TUBD1: variants seen among roughly 807,000 people sequenced by gnomAD.
TUBD1 encodes tubulin delta chain.
Under a neutral mutation model 51.2 loss-of-function variants are expected in TUBD1, and 38 were observed. That is an observed-to-expected ratio of 0.74 (90% CI 0.57 to 0.97). TUBD1 has a LOEUF of 0.97. TUBD1 is among the 50% of genes least tolerant of loss of function. The pLI, the probability that TUBD1 is intolerant of heterozygous loss-of-function variation, is 0.00. For missense variants in TUBD1, 489 were observed against 538.4 expected, an observed-to-expected ratio of 0.91 and a Z score of 0.91; for synonymous variants, 169 against 178.2, an observed-to-expected ratio of 0.95 and a Z score of 0.41.
At position 59,859,668 on chromosome 17, in the gene TUBD1, A is replaced by C. The variant is rs987623495; in HGVS notation, c.*654T>G. On this transcript the variant is annotated 3_prime_UTR_variant, in exon 9 of 9. Transcript: ENST00000325752. ...CAAACATGAATATATTAAGTACAGA[A>C]TTACAATTCCTTAGCTTGAAATTAT... 1.3e-5 allele frequency: 2 copies of C among 152,630 alleles called. No individual in the cohort carries two copies. The highest frequency in any genetic ancestry group is 2.4e-5 in the African/African-American group (1 of 41,462). The allele number at this position is 152,630 out of a possible 1,614,324, so 9.5% of individuals were successfully genotyped here. A position where few individuals can be genotyped will look rare whatever the true frequency, so the allele number is the denominator to read the frequency against.
intron 1 of TUBD1, 106 bp from the exon 2 acceptor site, chr17:59,891,147 CT>C (rs905345660): frequency 4.8e-6 from 3 of 630,250 alleles, no homozygotes; most frequent in African/African-American, 3.8e-5. Flanking sequence ...TTTTTCCCCC[CT>C]GAGACGGAGT....
intron 8 of TUBD1, among the ~76,000 whole-genome samples, 154 bp from the exon 9 acceptor site, chr17:59,860,578 G>C (rs2039394528): frequency 6.6e-6 from 1 of 151,720 alleles, no homozygotes; most frequent in African/African-American, 2.4e-5. Flanking sequence ...TTACTCCAAA[G>C]ATTAGTGAAC....
At chr17:59,889,584 G>A (rs1205641710) in intron 2 of TUBD1, among the ~76,000 whole-genome samples, 2 of 148,038 alleles carry the variant, frequency 1.4e-5, no homozygotes, top group Admixed American at 1.4e-4. Context: ...CAGGAGAATT[G>A]CTTCAACCTG....
chr17:59,890,322 C>A (rs952772411), intron 2 of TUBD1, among the ~76,000 whole-genome samples: 1 of 152,128 alleles, frequency 6.6e-6, no homozygotes, highest in Non-Finnish European at 1.5e-5. Context: ...CGGCTCACTG[C>A]AACCTCTGCC....
chr17:59,889,683 A>G (rs936327029), intron 2 of TUBD1, among the ~76,000 whole-genome samples: 3 of 149,988 alleles, frequency 2.0e-5, no homozygotes, highest in Non-Finnish European at 3.0e-5. Context: ...AAAAAAAAAA[A>G]AAAAGAAAAA....
At chr17:59,863,370 G>A (rs1365753974) in intron 8 of TUBD1, among the ~76,000 whole-genome samples, 1 of 152,132 alleles carries the variant, frequency 6.6e-6, no homozygotes, top group Non-Finnish European at 1.5e-5. Flanking sequence ...CAGCACTTTG[G>A]GAGGCTGAGG....
intron 6 of TUBD1, among the ~76,000 whole-genome samples, chr17:59,869,151 T>C (rs1327479124): frequency 6.6e-6 from 1 of 151,826 alleles, no homozygotes; most frequent in East Asian, 1.9e-4. Flanking sequence ...ATGAAAACAT[T>C]TATATGTTCA....
chr17:59,890,229 T>C (rs1431278777), intron 2 of TUBD1, among the ~76,000 whole-genome samples: 3 of 152,142 alleles, frequency 2.0e-5, no homozygotes, highest in African/African-American at 4.8e-5. Flanking sequence ...AGCAGGATCA[T>C]AGGTGGTTAA....
At chr17:59,875,553 C>T (rs552951211) in intron 5 of TUBD1, among the ~76,000 whole-genome samples, 1 of 151,604 alleles carries the variant, frequency 6.6e-6, no homozygotes, top group East Asian at 2.0e-4. Context: ...TTAAGACCAG[C>T]CTGGCCAACA....
intron 5 of TUBD1, among the ~76,000 whole-genome samples, chr17:59,876,281 C>T (rs966441854): frequency 6.6e-6 from 1 of 151,588 alleles, no homozygotes; most frequent in Non-Finnish European, 1.5e-5. Flanking sequence ...CAGGCTTAAG[C>T]AATAGCCCCA....
chr17:59,862,785 C>T (rs917500970), intron 8 of TUBD1, among the ~76,000 whole-genome samples: 8 of 132,432 alleles, frequency 6.0e-5, no homozygotes, highest in Non-Finnish European at 1.1e-4. Flanking sequence ...AGTGCAGTGG[C>T]GCGATCTCGG....
chr17:59,863,933 T>C, intron 7 of TUBD1, 86 bp from the exon 8 acceptor site: 1 of 1,142,130 alleles, frequency 8.8e-7, no homozygotes, highest in Non-Finnish European at 1.2e-6. Flanking sequence ...CTTGTCTATT[T>C]CATCAGAGAT....
chr17:59,892,237 G>C (rs1021457433), intron 1 of TUBD1, among the ~76,000 whole-genome samples: 1 of 152,120 alleles, frequency 6.6e-6, no homozygotes, highest in Non-Finnish European at 1.5e-5. Flanking sequence ...GCAGCTTGGA[G>C]AAAGAAAACC....
chr17:59,874,739 T>A (rs1300330054), intron 5 of TUBD1, 36 bp from the exon 6 acceptor site: 1 of 1,565,902 alleles, frequency 6.4e-7, no homozygotes, highest in Non-Finnish European at 8.7e-7. Context: ...AATTTTTTTT[T>A]ATTCTACATT....
At chr17:59,880,165 T>C (rs1598551599) in intron 4 of TUBD1, among the ~76,000 whole-genome samples, 1 of 151,890 alleles carries the variant, frequency 6.6e-6, no homozygotes, top group Non-Finnish European at 1.5e-5. Context: ...TCAAGCGAAA[T>C]CTCCTGCCTC....
At chr17:59,879,617 G>C (rs892158882) in intron 4 of TUBD1, among the ~76,000 whole-genome samples, 2 of 151,896 alleles carry the variant, frequency 1.3e-5, no homozygotes, top group Non-Finnish European at 2.9e-5. Context: ...TGTATTTTTA[G>C]TAGAGAAGGG....
chr17:59,873,988 G>C (rs1213132989), intron 6 of TUBD1, among the ~76,000 whole-genome samples: 1 of 152,080 alleles, frequency 6.6e-6, no homozygotes, highest in African/African-American at 2.4e-5. Context: ...AGGAGATTGA[G>C]ACCATCCTGG....
At chr17:59,888,039 A>C (rs1466808605) in intron 2 of TUBD1, among the ~76,000 whole-genome samples, 1 of 151,396 alleles carries the variant, frequency 6.6e-6, no homozygotes, top group Non-Finnish European at 1.5e-5. Flanking sequence ...GGTTCACGCC[A>C]TTCTCCTGCC....
intron 8 of TUBD1, among the ~76,000 whole-genome samples, chr17:59,862,179 T>C (rs1378747285): frequency 6.6e-6 from 1 of 151,002 alleles, no homozygotes; most frequent in East Asian, 2.1e-4. Flanking sequence ...CAAAATTAGC[T>C]CGGTGTAGTG....
Sources: allele counts gnomAD v4.1 joint callset (sites outside exome capture counted in the v4.1 genomes callset), GRCh38; gene constraint gnomAD v4.1.1; transcripts MANE v1.5; gene names NCBI Gene and HGNC (gene_info 2026-07-23, HGNC 2026-07-21).